Variants in ZNF804B observed in about 807,000 individuals in gnomAD.
The protein encoded by ZNF804B is zinc finger 804B.
ZNF804B carries 80 observed loss-of-function variants against 101.4 expected under a neutral mutation model. The observed-to-expected ratio is 0.79, with a 90% CI of 0.66 to 0.95. The LOEUF (loss-of-function observed/expected upper bound fraction) is 0.95. ZNF804B is among the 40% of genes least tolerant of loss of function. ZNF804B has a pLI of 0.00. For synonymous variants in ZNF804B, 622 were observed against 558.8 expected (o/e 1.11, Z -1.59); for missense variants, 1,673 against 1,561.9 (o/e 1.07, Z -1.20).
intron 2 of ZNF804B, among the ~76,000 whole-genome samples, chr7:89,224,564 C>T (rs1042704649): frequency 6.6e-6 from 1 of 151,876 alleles, no homozygotes; most frequent in Non-Finnish European, 1.5e-5. Context: ...AAAGTGCTAA[C>T]AAAATGTCAA....
chr7:88,923,721 C>T (rs1056840720), intron 1 of ZNF804B, among the ~76,000 whole-genome samples: 1 of 151,892 alleles, frequency 6.6e-6, no homozygotes, highest in Non-Finnish European at 1.5e-5. Context: ...GTATTATCAA[C>T]TTGATATACA....
intron 2 of ZNF804B, among the ~76,000 whole-genome samples, chr7:89,261,737 GGTAA>G (rs1040693485): frequency 3.2e-4 from 49 of 152,084 alleles, no homozygotes; most frequent in African/African-American, 1.1e-3. Context: ...GTAACACAAT[GGTAA>G]GTATTTGTGT....
intron 1 of ZNF804B, among the ~76,000 whole-genome samples, chr7:88,830,928 C>G (rs932703343): frequency 4.6e-5 from 7 of 151,540 alleles, no homozygotes; most frequent in African/African-American, 1.7e-4. Flanking sequence ...TATTCTTTTT[C>G]TTAAATTTTA....
In ZNF804B at chr7:89,048,017, C is replaced by A. The variant is rs1053974150; in HGVS notation, c.109-170138C>A. Among the ~76,000 whole-genome samples the A allele has an allele frequency of 2.6e-5, 4 of 151,298 alleles. No homozygotes were observed. The East Asian group carries it at 7.8e-4, about 29-fold the overall frequency. On this transcript the variant is annotated intron_variant, in intron 1 of 3. Coordinates refer to ENST00000333190, the MANE Select transcript of ZNF804B (RefSeq NM_181646.5). The stretch of plus-strand genomic sequence containing the variant: ...TGGTGTTTTCTTACATGAGTAAGTT[C>A]TTTAGTGGTGATTTTGGTGCACACA...
At chr7:88,909,372 G>GT (rs1792516423) in intron 1 of ZNF804B, among the ~76,000 whole-genome samples, 1 of 151,790 alleles carries the variant, frequency 6.6e-6, no homozygotes, top group Non-Finnish European at 1.5e-5. Flanking sequence ...ATGGAAATGC[G>GT]TAAGGATGAA....
At chr7:89,263,930 T>C (rs1363241649) in intron 2 of ZNF804B, among the ~76,000 whole-genome samples, 1 of 152,198 alleles carries the variant, frequency 6.6e-6, no homozygotes, top group Non-Finnish European at 1.5e-5. Flanking sequence ...TTAACCAAGT[T>C]TGTGGTAATT....
chr7:89,234,788 GTC>G (rs1562924618), intron 2 of ZNF804B, among the ~76,000 whole-genome samples: 1 of 152,028 alleles, frequency 6.6e-6, no homozygotes, highest in African/African-American at 2.4e-5. Flanking sequence ...GCCTCCTGGG[GTC>G]TCTCGGGTGT....
chr7:88,905,726 C>A (rs977765929), intron 1 of ZNF804B, among the ~76,000 whole-genome samples: 19 of 151,984 alleles, frequency 1.3e-4, no homozygotes, highest in African/African-American at 4.1e-4. Flanking sequence ...CTAAAGTTTT[C>A]ATTTTTTGGT....
At chr7:88,967,716 C>CAAAAAAA (rs3034332) in intron 1 of ZNF804B, among the ~76,000 whole-genome samples, 1 of 125,412 alleles carries the variant, frequency 8.0e-6, no homozygotes, top group Non-Finnish European at 1.7e-5. Context: ...ATTGAAAAAG[C>CAAAAAAA]AAAAAAAAAA....
chr7:89,010,917 G>C (rs1788450710), intron 1 of ZNF804B, among the ~76,000 whole-genome samples: 1 of 152,178 alleles, frequency 6.6e-6, no homozygotes, highest in Non-Finnish European at 1.5e-5. Context: ...CTGTTGTAAA[G>C]AGTTAATTTA....
At chr7:89,308,991 T>G (rs1351242616) in intron 2 of ZNF804B, among the ~76,000 whole-genome samples, 2 of 152,168 alleles carry the variant, frequency 1.3e-5, no homozygotes, top group Admixed American at 1.3e-4. Context: ...ATTTATTTAT[T>G]TAACTTTTAT....
intron 1 of ZNF804B, among the ~76,000 whole-genome samples, chr7:88,789,590 C>T (rs1790349355): frequency 6.6e-6 from 1 of 152,090 alleles, no homozygotes; most frequent in Non-Finnish European, 1.5e-5. Flanking sequence ...AATCTATGCA[C>T]TGTTTTTACT....
At chr7:88,912,308 T>G (rs1459841919) in intron 1 of ZNF804B, among the ~76,000 whole-genome samples, 1 of 152,076 alleles carries the variant, frequency 6.6e-6, no homozygotes, top group Non-Finnish European at 1.5e-5. Context: ...TTATATAATC[T>G]GGATATAATC....
chr7:89,113,144 T>C (rs1047769404), intron 1 of ZNF804B, among the ~76,000 whole-genome samples: 3 of 152,016 alleles, frequency 2.0e-5, no homozygotes, highest in Admixed American at 6.5e-5. Flanking sequence ...ATGTCAGAGG[T>C]GAAATAAAAT....
intron 1 of ZNF804B, among the ~76,000 whole-genome samples, chr7:89,017,876 A>G (rs879667169): frequency 6.6e-6 from 1 of 151,874 alleles, no homozygotes; most frequent in Non-Finnish European, 1.5e-5. Context: ...TTCTTCTGCA[A>G]TTTTGCTGAC....
chr7:88,990,742 T>A (rs1793832999), intron 1 of ZNF804B, among the ~76,000 whole-genome samples: 1 of 152,152 alleles, frequency 6.6e-6, no homozygotes, highest in Non-Finnish European at 1.5e-5. Context: ...ATTTTGCCAT[T>A]AACACTTTTA....
intron 1 of ZNF804B, among the ~76,000 whole-genome samples, chr7:89,126,211 A>G (rs563934048): frequency 6.6e-5 from 10 of 152,126 alleles, no homozygotes; most frequent in African/African-American, 9.6e-5. Flanking sequence ...TTAGTGTACA[A>G]TATGACAGTT....
At chr7:89,192,899 C>G (rs1229172171) in intron 1 of ZNF804B, among the ~76,000 whole-genome samples, 1 of 152,028 alleles carries the variant, frequency 6.6e-6, no homozygotes, top group African/African-American at 2.4e-5. Flanking sequence ...ACAAACTAAC[C>G]ACATGATTAT....
At chr7:89,236,742 C>A (rs972827002) in intron 2 of ZNF804B, among the ~76,000 whole-genome samples, 1 of 152,030 alleles carries the variant, frequency 6.6e-6, no homozygotes, top group East Asian at 1.9e-4. Context: ...ATAGATGGTG[C>A]TTTTATATAA....
Sources: gnomAD v4.1 joint callset for allele counts (sites outside exome capture counted in the v4.1 genomes callset) on GRCh38, gnomAD v4.1.1 for gene constraint, MANE v1.5 for transcripts, NCBI Gene and HGNC (gene_info 2026-07-23, HGNC 2026-07-21) for gene names.